Variants in KCTD6 observed in about 807,000 individuals in gnomAD.
The protein encoded by KCTD6 is potassium channel tetramerization domain containing 6.
A neutral mutation model predicts 18.7 loss-of-function variants in KCTD6; 6 were observed. The observed-to-expected ratio is 0.32, with a 90% CI of 0.18 to 0.63. The LOEUF is 0.63. Ranked by LOEUF, KCTD6 falls within the 30% of genes least tolerant of loss-of-function variation. The pLI is 0.79. For synonymous variants in KCTD6, 86 were observed against 108.5 expected (o/e 0.79, Z 1.29); for missense variants, 165 against 300.2 (o/e 0.55, Z 3.33).
rs937017281 is a variant in KCTD6 at position 58,498,995 on chromosome 3, A to T, written c.27+213A>T. Among the ~76,000 whole-genome samples, 1 of 150,658 alleles carries T rather than the reference A, an allele frequency of 6.6e-6. No individual in the cohort carries two copies. The highest frequency in any genetic ancestry group is 2.4e-5 in the African/African-American group (1 of 41,056). On this transcript the variant is annotated intron_variant, in intron 2 of 2. Transcript: ENST00000404589. The surrounding 1 kb of genome is among the most constrained non-coding windows in gnomAD (Gnocchi z 4.6). ...TTTTTATTTAATTTTTTTTATGTGG[A>T]GTCTCGCCTTCTTGCCCAGGCTGGA...
Position 58,500,987 on chromosome 3 carries a change from T to C in KCTD6, c.69T>C (p.Tyr23=). The C allele has an allele frequency of 6.2e-7, 1 of 1,607,672 alleles. No homozygotes were observed. Among genetic ancestry groups the C allele is most frequent in the South Asian group, 1.1e-5 (1 of 89,858 alleles). The stretch of plus-strand genomic sequence containing the variant: ...CATTAAATGTAGGTGGACACTTGTA[T>C]ACAACGTCTCTCACCACATTGACGC... ...PVTLNVGGHL[Y]TTSLTTLTRY... is the part of the protein sequence containing the mutation. The change falls in exon 3 of 3, where the codon TAT becomes TAC. Residue 23 remains tyrosine (Y), a synonymous_variant. Transcript: ENST00000404589.
At chr3:58,495,475 T>C (rs1335158973) in intron 1 of KCTD6, among the ~76,000 whole-genome samples, 1 of 151,048 alleles carries the variant, frequency 6.6e-6, no homozygotes, top group African/African-American at 2.4e-5. Flanking sequence ...AGCCGATCAT[T>C]ATCCAGCTAT....
At chr3:58,499,547 C>CTTT (rs11418436) in intron 2 of KCTD6, among the ~76,000 whole-genome samples, 5 of 121,872 alleles carry the variant, frequency 4.1e-5, no homozygotes, top group Non-Finnish European at 6.7e-5. Flanking sequence ...TTCTTTCTTC[C>CTTT]TTTTTTTTTT....
chr3:58,500,119 A>C lies in KCTD6; in HGVS notation c.28-827A>C, dbSNP rs568758509. 2.0e-5 allele frequency among the ~76,000 whole-genome samples: 3 copies of C among 151,578 alleles called. No homozygotes were observed. In the South Asian group the frequency reaches 6.3e-4, roughly 32 times the overall value. The stretch of plus-strand genomic sequence containing the variant: ...GCACAGTTTTTAATTTAATTTAAAT[A>C]ATTTTTTTTTTTTGGAGACAAAATC... On this transcript the variant is annotated intron_variant, in intron 2 of 2. Transcript: ENST00000404589.
Position 58,500,807 on chromosome 3 carries a change from C to T in KCTD6, c.28-139C>T, listed in dbSNP as rs146634516. On this transcript the variant is annotated intron_variant, in intron 2 of 2. Coordinates refer to ENST00000404589, the MANE Select transcript of KCTD6 (RefSeq NM_001128214.2). ...GTGGGTTTATTGCTGGTAGTAAAGT[C>T]ATTTTGCATTAGAGGATTACTAAAT... 1,196 of 526,742 alleles carry T rather than the reference C, an allele frequency of 2.3e-3. 14 individuals are homozygous for T. Among genetic ancestry groups the T allele is most frequent in the African/African-American group, 0.022 (1,124 of 51,080 alleles). The allele number at this position is 526,742 out of a possible 1,614,324, so 32.6% of individuals were successfully genotyped here.
rs2107977672 is a variant in KCTD6, at chr3:58,501,475, AG to A, written c.559del (p.Glu187LysfsTer8). On this transcript the variant is annotated frameshift_variant, in exon 3 of 3. Transcript: ENST00000404589. LOFTEE classifies it high-confidence loss of function. This position sits in a 1 kb window ranked among gnomAD's most constrained non-coding sequence, Gnocchi z 9.7. ...ACTTTTGGACCCTGTGATTATCACC[AG>A]GAAGTTTCTCTTAGGGTCCACCTGA... is the stretch of plus-strand genomic sequence containing the variant. ...SFTFGPCDYHQEVSLRVHLME... is the reference protein window; with the variant it reads ...SFTFGPCDYHXEVSLRVHLME... 2 of 1,518,198 alleles carry A rather than the reference AG, an allele frequency of 1.3e-6. No individual in the cohort carries two copies. The highest frequency in any genetic ancestry group is 2.3e-5 in the East Asian group (1 of 43,902). 94.0% of individuals were successfully genotyped at this position (1,518,198 alleles called of 1,614,324 possible).
At position 58,498,498 on chromosome 3, in the gene KCTD6, T is replaced by A; in HGVS notation, c.-43-215T>A. ...TCTCTGAAAATCTTCAGTCTCTTAG[T>A]TCCAGATGGGTTCTCTATGGTAAGA... On this transcript the variant is annotated intron_variant, in intron 1 of 2. Coordinates refer to ENST00000404589, the MANE Select transcript of KCTD6 (RefSeq NM_001128214.2). This position sits in a 1 kb window ranked among gnomAD's most constrained non-coding sequence, Gnocchi z 4.6. The A allele has an allele frequency of 2.1e-6, 1 of 471,654 alleles. No homozygotes were observed. The highest frequency in any genetic ancestry group is 4.3e-5 in the Admixed American group (1 of 23,518). The allele number at this position is 471,654 out of a possible 1,614,324, so 29.2% of individuals were successfully genotyped here.
rs958826121 is a variant in KCTD6, at chr3:58,492,381, G to A, written c.-44+212G>A. ...AGGTGCCCGCGGCGGGGCCTGGGCG[G>A]GGGTTCCGGGGCCCGCCCGGCGGGG... On this transcript the variant is annotated intron_variant, in intron 1 of 2. Coordinates refer to ENST00000404589, the MANE Select transcript of KCTD6 (RefSeq NM_001128214.2). This position sits in a 1 kb window ranked among gnomAD's most constrained non-coding sequence, Gnocchi z 6.1. 4.0e-4 allele frequency among the ~76,000 whole-genome samples: 61 copies of A among 150,708 alleles called. No individual in the cohort carries two copies. The highest frequency in any genetic ancestry group is 1.4e-3 in the African/African-American group (58 of 41,354).
chr3:58,501,739 G>A lies in KCTD6; in HGVS notation c.*107G>A, dbSNP rs1263360056. 4 of 775,024 alleles carry A rather than the reference G, an allele frequency of 5.2e-6. No homozygotes were observed. Among genetic ancestry groups the A allele is most frequent in the Non-Finnish European group, 7.2e-6 (4 of 557,906 alleles). The allele number at this position is 775,024 out of a possible 1,614,324, so 48.0% of individuals were successfully genotyped here. A position where few individuals can be genotyped will look rare whatever the true frequency, so the allele number is the denominator to read the frequency against. ...GATATTTTTTTTCTTTTAAATAGTT[G>A]TATTTATTTGAAGGCAGTGAGGACC... On this transcript the variant is annotated 3_prime_UTR_variant, in exon 3 of 3. Transcript: ENST00000404589. This position sits in a 1 kb window ranked among gnomAD's most constrained non-coding sequence, Gnocchi z 9.7.
At chr3:58,499,036 C>T (rs1269907415) in intron 2 of KCTD6, among the ~76,000 whole-genome samples, 1 of 151,970 alleles carries the variant, frequency 6.6e-6, no homozygotes, top group African/African-American at 2.4e-5. Context: ...GTGGCGCGAT[C>T]TTGGCTCACT....
rs1034764320 is a variant in KCTD6, at chr3:58,493,233, T to C, written c.-44+1064T>C. ...TTGGTAGGTTGAGAGTATTTTCTCT[T>C]TGGCCGAAACCATCAGTCCATACTG... On this transcript the variant is annotated intron_variant, in intron 1 of 2. Transcript: ENST00000404589. This position sits in a 1 kb window ranked among gnomAD's most constrained non-coding sequence, Gnocchi z 4.5. Among the ~76,000 whole-genome samples the C allele has an allele frequency of 1.3e-5, 2 of 152,228 alleles. No homozygotes were observed. The highest frequency in any genetic ancestry group is 4.8e-5 in the African/African-American group (2 of 41,460).
intron 1 of KCTD6, among the ~76,000 whole-genome samples, chr3:58,495,807 T>C (rs2063172864): frequency 6.6e-6 from 1 of 152,168 alleles, no homozygotes; most frequent in African/African-American, 2.4e-5. Flanking sequence ...AAGCGTGAGC[T>C]TTCATTACAT....
At chr3:58,500,489 A>C (rs1051039365) in intron 2 of KCTD6, 1 of 152,352 alleles carries the variant, frequency 6.6e-6, no homozygotes, top group African/African-American at 2.4e-5. Context: ...GAGAAACCAA[A>C]GAAATATTGA....
At chr3:58,494,859 A>T (rs1375290401) in intron 1 of KCTD6, among the ~76,000 whole-genome samples, 1 of 152,244 alleles carries the variant, frequency 6.6e-6, no homozygotes, top group Non-Finnish European at 1.5e-5. Flanking sequence ...TTACCTGCTA[A>T]CATGACACTG....
At chr3:58,499,218 CTTTG>C (rs1233528067) in intron 2 of KCTD6, among the ~76,000 whole-genome samples, 2 of 152,178 alleles carry the variant, frequency 1.3e-5, no homozygotes, top group African/African-American at 2.4e-5. Context: ...GATCCTCTGC[CTTTG>C]TTTGGTGTTT....
In KCTD6 at chr3:58,492,411, G is replaced by C. The variant is rs368041972; in HGVS notation, c.-44+242G>C. Among the ~76,000 whole-genome samples, 26 of 151,144 alleles carry C rather than the reference G, an allele frequency of 1.7e-4. 3 individuals are homozygous for C. Among genetic ancestry groups the C allele is most frequent in the Admixed American group, 1.4e-3 (22 of 15,174 alleles). On this transcript the variant is annotated intron_variant, in intron 1 of 2. Transcript: ENST00000404589. The surrounding 1 kb of genome is among the most constrained non-coding windows in gnomAD (Gnocchi z 6.1). ...TCCGGGGCCCGCCCGGCGGGGATGC[G>C]CGGTTTCTGCGGGCCCGGGTTCGGA...
At position 58,497,982 on chromosome 3, in the gene KCTD6, C is replaced by CTTTTTTTTT. The variant is rs1233391851; in HGVS notation, c.-43-722_-43-714dup. 1 of 126,182 alleles carries CTTTTTTTTT rather than the reference C, an allele frequency of 7.9e-6. No homozygotes were observed. The highest frequency in any genetic ancestry group is 8.0e-5 in the Admixed American group (1 of 12,490). 7.8% of individuals were successfully genotyped at this position (126,182 alleles called of 1,614,324 possible). ...CCCTTCTCCCTTTTTCTTTTCTTTT[C>CTTTTTTTTT]TTTTTTTTTTTTTTTTTGAGATGGA... On this transcript the variant is annotated intron_variant, in intron 1 of 2. Transcript: ENST00000404589. This position sits in a 1 kb window ranked among gnomAD's most constrained non-coding sequence, Gnocchi z 4.2.
At chr3:58,499,453 C>T (rs1414927336) in intron 2 of KCTD6, among the ~76,000 whole-genome samples, 2 of 151,776 alleles carry the variant, frequency 1.3e-5, no homozygotes, top group Middle Eastern at 3.2e-3. Context: ...TTTGTGTGTG[C>T]ATATGTCTCC....
chr3:58,494,232 TA>T (rs1249822554), intron 1 of KCTD6: 4 of 152,230 alleles, frequency 2.6e-5, no homozygotes, highest in African/African-American at 9.7e-5. Flanking sequence ...TGGTTAAGGA[TA>T]ATCTAACCAT....
Sources: allele counts gnomAD v4.1 joint callset (sites outside exome capture counted in the v4.1 genomes callset), GRCh38; gene constraint gnomAD v4.1.1; non-coding constraint Gnocchi (gnomAD v3.1); transcripts MANE v1.5; gene names NCBI Gene and HGNC (gene_info 2026-07-23, HGNC 2026-07-21).